ADCY8: variants seen among roughly 807,000 people sequenced by gnomAD.
ADCY8 encodes adenylate cyclase 8.
In ADCY8, 51 loss-of-function variants were observed where a neutral mutation model predicts 119.7. That is an observed-to-expected ratio of 0.43 (90% confidence interval 0.34 to 0.54). ADCY8 has a LOEUF of 0.54. Among genes scored for constraint, ADCY8 ranks in the 20% least tolerant of loss-of-function variants. The probability of loss-of-function intolerance (pLI) is 0.03; values close to 1 mark genes in which losing one functional copy is unlikely to be tolerated. For missense variants in ADCY8, 1,383 were observed against 1,598.8 expected (o/e 0.87, Z 2.30); for synonymous variants, 665 against 651.0 (o/e 1.02, Z -0.33).
intron 1 of ADCY8, among the ~76,000 whole-genome samples, chr8:131,019,889 C>A (rs959966367): frequency 5.8e-5 from 8 of 137,488 alleles, no homozygotes; most frequent in African/African-American, 2.2e-4. Context: ...GAGTGTTTTT[C>A]AAGAAAATTG....
chr8:130,888,405 G>A (rs1819068384), intron 7 of ADCY8, among the ~76,000 whole-genome samples: 2 of 152,028 alleles, frequency 1.3e-5, no homozygotes, highest in Non-Finnish European at 2.9e-5. Flanking sequence ...ATTTACTTTA[G>A]CTGGTGTTTT....
At chr8:130,794,640 A>G (rs1815524283) in intron 15 of ADCY8, among the ~76,000 whole-genome samples, 1 of 152,254 alleles carries the variant, frequency 6.6e-6, no homozygotes, top group Non-Finnish European at 1.5e-5. Flanking sequence ...GATCATAGTT[A>G]TGTGCCAAGT....
intron 15 of ADCY8, among the ~76,000 whole-genome samples, chr8:130,789,929 T>C (rs1239991771): frequency 6.6e-6 from 1 of 152,172 alleles, no homozygotes; most frequent in Admixed American, 6.5e-5. Context: ...GTAGTTCTAG[T>C]GCATGCGTGA....
chr8:131,017,772 T>A (rs1314833333), intron 1 of ADCY8, among the ~76,000 whole-genome samples: 2 of 152,010 alleles, frequency 1.3e-5, no homozygotes, highest in Non-Finnish European at 2.9e-5. Context: ...TTAGCTTCCT[T>A]TTCCCCCTCA....
In ADCY8 at chr8:130,903,987, C is replaced by T; in HGVS notation, c.1696G>A (p.Glu566Lys). The T allele has an allele frequency of 6.2e-7, 1 of 1,614,156 alleles. No homozygotes were observed. The highest frequency in any genetic ancestry group is 1.1e-5 in the South Asian group (1 of 91,078). Residue 566 changes from glutamate to lysine, a missense_variant, in exon 7 of 18, where the codon GAA (glutamate) becomes AAA (lysine). Coordinates refer to ENST00000286355, the MANE Select transcript of ADCY8 (RefSeq NM_001115.3). ...LDCLNGDYNV[E>K]EGHGKERNEF... is the part of the protein sequence containing the mutation. ...TTCCTCTCTTTACCATGGCCCTCTT[C>T]CACGTTATAGTCACCGTTGAGACAG...
chr8:130,812,428 T>C (rs1031936884), intron 14 of ADCY8, among the ~76,000 whole-genome samples: 1 of 152,152 alleles, frequency 6.6e-6, no homozygotes, highest in African/African-American at 2.4e-5. Context: ...GGAAATAGGG[T>C]CTTTGCAGGT....
chr8:131,013,760 G>A (rs1823384104), intron 1 of ADCY8, among the ~76,000 whole-genome samples: 1 of 152,158 alleles, frequency 6.6e-6, no homozygotes. Flanking sequence ...GCGAAAAATA[G>A]CAACTTGCCA....
chr8:130,881,519 ATTATTTT>A (rs1408854589), intron 8 of ADCY8, among the ~76,000 whole-genome samples: 3 of 152,170 alleles, frequency 2.0e-5, no homozygotes, highest in African/African-American at 7.2e-5. Context: ...CAAAGGAACA[ATTATTTT>A]TCCATTTCCA....
At chr8:130,951,828 G>A (rs1243408818) in intron 3 of ADCY8, 40 bp downstream of exon 3, 3 of 1,611,436 alleles carry the variant, frequency 1.9e-6, no homozygotes, top group Admixed American at 3.3e-5. Context: ...AACACACATG[G>A]ATCATGCAAG....
chr8:130,803,705 GT>G (rs747248634), intron 14 of ADCY8, among the ~76,000 whole-genome samples: 1 of 152,210 alleles, frequency 6.6e-6, no homozygotes, highest in Non-Finnish European at 1.5e-5. Context: ...TTAAGTCATT[GT>G]TTTGGATCAC....
intron 7 of ADCY8, among the ~76,000 whole-genome samples, chr8:130,888,778 T>C (rs901524369): frequency 1.3e-5 from 2 of 152,144 alleles, no homozygotes; most frequent in African/African-American, 4.8e-5. Flanking sequence ...TGGTTTATGA[T>C]CAGAAGACTC....
chr8:130,791,373 C>T (rs1815421597), intron 15 of ADCY8, among the ~76,000 whole-genome samples: 1 of 152,206 alleles, frequency 6.6e-6, no homozygotes, highest in African/African-American at 2.4e-5. Flanking sequence ...CACATATGTG[C>T]ACACAGGGGC....
In ADCY8 at chr8:130,874,681, G is replaced by A. The variant is rs112829482; in HGVS notation, c.2110-6735C>T. On this transcript the variant is annotated intron_variant, in intron 8 of 17. Transcript: ENST00000286355. The stretch of plus-strand genomic sequence containing the variant: ...GCCCAGGGGTGACAGAAGACCCTAG[G>A]TTGGTAATACATTTCCTAATGTTAT... 9.4e-3 allele frequency among the ~76,000 whole-genome samples: 1,435 copies of A among 152,266 alleles called. 22 individuals are homozygous for A. Among genetic ancestry groups the A allele is most frequent in the African/African-American group, 0.033 (1,367 of 41,540 alleles).
intron 17 of ADCY8, among the ~76,000 whole-genome samples, chr8:130,781,125 A>C (rs1815066560): frequency 1.3e-5 from 2 of 152,180 alleles, no homozygotes; most frequent in South Asian, 4.2e-4. Context: ...AATACAAGTA[A>C]AGCCACTGTG....
chr8:130,971,160 T>A (rs1253385525), intron 2 of ADCY8, among the ~76,000 whole-genome samples: 1 of 152,200 alleles, frequency 6.6e-6, no homozygotes, highest in Non-Finnish European at 1.5e-5. Context: ...TCTGGTGTGT[T>A]ACTGTGTTAA....
chr8:130,968,486 T>C (rs1309691068), intron 2 of ADCY8, among the ~76,000 whole-genome samples: 4 of 152,206 alleles, frequency 2.6e-5, no homozygotes, highest in African/African-American at 9.6e-5. Flanking sequence ...TTCTGCTTTT[T>C]ATCATCACTA....
At chr8:130,917,260 AAG>A (rs1373511466) in intron 5 of ADCY8, among the ~76,000 whole-genome samples, 1 of 152,184 alleles carries the variant, frequency 6.6e-6, no homozygotes, top group Admixed American at 6.5e-5. Flanking sequence ...GTGTCTGTTG[AAG>A]AACTCTAAAG....
At chr8:130,923,272 CAG>C (rs1416150714) in intron 5 of ADCY8, among the ~76,000 whole-genome samples, 2 of 150,946 alleles carry the variant, frequency 1.3e-5, no homozygotes, top group Non-Finnish European at 3.0e-5. Flanking sequence ...AAGGAATAGA[CAG>C]AAAAAAATAG....
At chr8:130,960,751 T>C (rs529438040) in intron 2 of ADCY8, among the ~76,000 whole-genome samples, 251 of 152,142 alleles carry the variant, frequency 1.6e-3, no homozygotes, top group African/African-American at 5.6e-3. Context: ...GGAGATTCTA[T>C]CAGTGAACAA....
Sources: gnomAD v4.1 joint callset for allele counts (sites outside exome capture counted in the v4.1 genomes callset) on GRCh38, gnomAD v4.1.1 for gene constraint, MANE v1.5 for transcripts, NCBI Gene and HGNC (gene_info 2026-07-23, HGNC 2026-07-21) for gene names.